Variants in ZNF276 observed in about 807,000 individuals in gnomAD.
ZNF276 encodes zinc finger protein 276, also known as centromere protein Z.
In ZNF276, 59 loss-of-function variants were observed where a neutral mutation model predicts 63.9. That is an observed-to-expected ratio of 0.92 (90% CI 0.75 to 1.15). The LOEUF (loss-of-function observed/expected upper bound fraction) is 1.15, where lower values mean the gene tolerates loss of function less well. Among genes scored for constraint, ZNF276 ranks in the 50% most tolerant of loss-of-function variants. The pLI, the probability that ZNF276 is intolerant of heterozygous loss-of-function variation, is 0.00. For missense variants in ZNF276, 1,084 were observed against 843.8 expected (o/e 1.28, Z -3.53); for synonymous variants, 496 against 348.4 (o/e 1.42, Z -4.72).
intron 3 of ZNF276, 36 bp from the exon 4 acceptor site, chr16:89,723,224 A>C (rs1357917734): frequency 6.2e-7 from 1 of 1,613,210 alleles, no homozygotes; most frequent in Admixed American, 1.7e-5. Flanking sequence ...GGTGCCGACC[A>C]GCCGTGGATC....
Position 89,740,752 on chromosome 16 carries a change from C to T in ZNF276, c.*2506C>T. 1 of 1,534,882 alleles carries T rather than the reference C, an allele frequency of 6.5e-7. No homozygotes were observed. The highest frequency in any genetic ancestry group is 1.4e-5 in the African/African-American group (1 of 73,218). The stretch of plus-strand genomic sequence containing the variant: ...CTTGGAAGCTGGCTGCCTGGTGCCC[C>T]TGCCTGGCCCACAGTGGGAGAGGAC... On this transcript the variant is annotated 3_prime_UTR_variant, in exon 11 of 11. Transcript: ENST00000443381.
At chr16:89,732,234 A>AC (rs1427949400) in intron 6 of ZNF276, 1 of 152,254 alleles carries the variant, frequency 6.6e-6, no homozygotes, top group Non-Finnish European at 1.5e-5. Flanking sequence ...GACTTGCCAG[A>AC]CCAACTAAAA....
chr16:89,738,121 T>G lies in ZNF276; in HGVS notation c.1720T>G (p.Ser574Ala). The change falls in exon 11 of 11, where the codon TCC (serine) becomes GCC (alanine). Residue 574 changes from serine (S) to alanine (A), a missense_variant. Physicochemically the swap from Ser to Ala is moderately conservative, Grantham distance 99. Coordinates refer to ENST00000443381, the MANE Select transcript of ZNF276 (RefSeq NM_001113525.2). ...GGCCCACAACCTCAATGTACACATGTCCATGGTGCACCCGCTGACACAGAC... is the reference window on the plus strand; with the variant it reads ...GGCCCACAACCTCAATGTACACATGGCCATGGTGCACCCGCTGACACAGAC... ...EKAHNLNVHM[S>A]MVHPLTQTQD... The G allele has an allele frequency of 6.2e-7, 1 of 1,613,800 alleles. No individual in the cohort carries two copies. The highest frequency in any genetic ancestry group is 8.5e-7 in the Non-Finnish European group (1 of 1,180,020).
At chr16:89,737,520 C>CA (rs200766262) in intron 9 of ZNF276, 52,391 of 338,432 alleles carry the variant, frequency 0.15, 630 homozygotes, top group East Asian at 0.25. Flanking sequence ...AACTCCATCT[C>CA]AAAAAAAAAA....
At chr16:89,737,131 C>G (rs930663147) in intron 9 of ZNF276, among the ~76,000 whole-genome samples, 1 of 152,170 alleles carries the variant, frequency 6.6e-6, no homozygotes, top group Admixed American at 6.6e-5. Flanking sequence ...CCCCCAGACC[C>G]TGGGTATGGA....
chr16:89,739,229 A>G lies in ZNF276; in HGVS notation c.*983A>G, dbSNP rs764090579. ...GGACCAGCTTCAAGTACATGTCCAC[A>G]GCAACATGCAGGAAGGCCTCTTCCC... On this transcript the variant is annotated 3_prime_UTR_variant, in exon 11 of 11. Transcript: ENST00000443381. 4.3e-6 allele frequency: 7 copies of G among 1,614,176 alleles called. No individual in the cohort carries two copies. The highest frequency in any genetic ancestry group is 5.9e-6 in the Non-Finnish European group (7 of 1,180,024).
Position 89,739,131 on chromosome 16 carries a change from G to C in ZNF276, c.*885G>C. On this transcript the variant is annotated 3_prime_UTR_variant, in exon 11 of 11. Transcript: ENST00000443381. ...GGAGGTGGGACTGGCCCTTGCACCT[G>C]CCTGACCCTTGAGCTCCAGGCTCCT... is the stretch of plus-strand genomic sequence containing the variant. The C allele has an allele frequency of 3.1e-6, 5 of 1,614,140 alleles. No homozygotes were observed. Among genetic ancestry groups the C allele is most frequent in the Non-Finnish European group, 2.5e-6 (3 of 1,180,034 alleles).
rs2061740788 is a variant in ZNF276, at chr16:89,733,424, A to G, written c.1280+12A>G. 1.2e-6 allele frequency: 2 copies of G among 1,614,094 alleles called. No individual in the cohort carries two copies. Among genetic ancestry groups the G allele is most frequent in the Non-Finnish European group, 8.5e-7 (1 of 1,179,954 alleles). On this transcript the variant is annotated intron_variant, in intron 7 of 10. Transcript: ENST00000443381. ...CTTCGTTGTGAGAGGTGATGCCTGCAACGCGAGGCTCGCCCTGCCTGTCGG... is the reference window on the plus strand; with the variant it reads ...CTTCGTTGTGAGAGGTGATGCCTGCGACGCGAGGCTCGCCCTGCCTGTCGG...
rs551054839 is a variant in ZNF276, at chr16:89,724,048, T to G, written c.1006+339T>G. 3.2e-4 allele frequency among the ~76,000 whole-genome samples: 48 copies of G among 152,278 alleles called. 1 individual carries two copies. The highest frequency in any genetic ancestry group is 2.5e-3 in the Admixed American group (38 of 15,282). On this transcript the variant is annotated intron_variant, in intron 4 of 10. Coordinates refer to ENST00000443381, the MANE Select transcript of ZNF276 (RefSeq NM_001113525.2). Reference sequence around the variant, plus strand: ...AAGAATAGGGCCTTGTCTGTGGATGTGGGAGAAAAGAATGGCCGTTGCCTC... The same window carrying G: ...AAGAATAGGGCCTTGTCTGTGGATGGGGGAGAAAAGAATGGCCGTTGCCTC...
intron 9 of ZNF276, among the ~76,000 whole-genome samples, chr16:89,736,625 C>T (rs924160020): frequency 4.0e-5 from 6 of 151,728 alleles, no homozygotes; most frequent in Middle Eastern, 3.4e-3. Flanking sequence ...GCCACTGCAC[C>T]GGCCCCCCAA....
chr16:89,721,029 C>T (rs1045299774), upstream of ZNF276: 1 of 614,786 alleles, frequency 1.6e-6, no homozygotes, highest in Admixed American at 4.7e-5. Context: ...GCGGGCCCCA[C>T]GGGTGTTAGT....
At chr16:89,737,434 T>G (rs1173759613) in intron 9 of ZNF276, 1 of 253,138 alleles carries the variant, frequency 4.0e-6, no homozygotes, top group Non-Finnish European at 7.8e-6. Context: ...GGCACAAGAA[T>G]CGCTTGAGCC....
Position 89,727,386 on chromosome 16 carries a change from A to G in ZNF276, c.1085+29A>G, listed in dbSNP as rs1226335239. On this transcript the variant is annotated intron_variant, in intron 5 of 10. Transcript: ENST00000443381. ...AGAGAAGAGTGGGTTTAAACAGCCT[A>G]AAATTTCTCCTTCAAAAACCATCAG... is the stretch of plus-strand genomic sequence containing the variant. 3.7e-6 allele frequency: 6 copies of G among 1,605,132 alleles called. No homozygotes were observed. The East Asian group carries it at 8.9e-5, about 24-fold the overall frequency.
chr16:89,734,614 G>A (rs2061787553), intron 9 of ZNF276, among the ~76,000 whole-genome samples: 1 of 151,388 alleles, frequency 6.6e-6, no homozygotes, highest in South Asian at 2.1e-4. Context: ...CACTGCACCT[G>A]GCCCAAACAA....
At chr16:89,733,229 A>T in intron 6 of ZNF276, 73 bp from the exon 7 acceptor site, 1 of 1,350,652 alleles carries the variant, frequency 7.4e-7, no homozygotes, top group South Asian at 1.2e-5. Flanking sequence ...ACCATTTCTC[A>T]GGTTGGAGAG....
At chr16:89,720,910 G>C (rs1597950545), upstream of ZNF276, 1 of 1,273,822 alleles carries the variant, frequency 7.9e-7, no homozygotes, top group East Asian at 3.3e-5. Context: ...CTGGACGGGC[G>C]ACCGGAGGCC....
At position 89,721,712 on chromosome 16, in the gene ZNF276, C is replaced by T. The variant is rs758446338; in HGVS notation, c.72C>T (p.Gly24=). The change falls in exon 1 of 11, where the codon GGC becomes GGT. Residue 24 remains glycine (G), a synonymous_variant. Coordinates refer to ENST00000443381, the MANE Select transcript of ZNF276 (RefSeq NM_001113525.2). ...GACAGTGCGGGGCCTCGGACGGCGG[C>T]GGCGGCGTCAGCCGGACTCGGGGCC... ...SSRQCGASDG[G]GGVSRTRGRP... 2.0e-5 allele frequency: 27 copies of T among 1,366,492 alleles called. No homozygotes were observed. Among genetic ancestry groups the T allele is most frequent in the South Asian group, 4.8e-5 (3 of 62,148 alleles). 84.6% of individuals were successfully genotyped at this position (1,366,492 alleles called of 1,614,324 possible). A position where few individuals can be genotyped will look rare whatever the true frequency, so the allele number is the denominator to read the frequency against.
In ZNF276 at chr16:89,738,008, G is replaced by A. The variant is rs1486554928; in HGVS notation, c.1607G>A (p.Arg536Gln). ...GTCTGTGGGTTCCAGTGCAGGCAGC[G>A]GGCATCCCTCAAGTACCACATGACC... ...CEVCGFQCRQ[R>Q]ASLKYHMTKH... is the part of the protein sequence containing the mutation. Residue 536 changes from arginine to glutamine, a missense_variant, in exon 11 of 11, where the codon CGG (arginine) becomes CAG (glutamine). Arg to Gln is a conservative substitution (Grantham distance 43, BLOSUM62 1). Coordinates refer to ENST00000443381, the MANE Select transcript of ZNF276 (RefSeq NM_001113525.2). 9.3e-6 allele frequency: 15 copies of A among 1,613,996 alleles called. No homozygotes were observed. Among genetic ancestry groups the A allele is most frequent in the Middle Eastern group, 1.6e-4 (1 of 6,084 alleles).
At chr16:89,733,437 C>T (rs1329251498) in intron 7 of ZNF276, 25 bp downstream of exon 7, 3 of 1,614,106 alleles carry the variant, frequency 1.9e-6, no homozygotes, top group Admixed American at 1.7e-5. Context: ...GCGAGGCTCG[C>T]CCTGCCTGTC....
Sources: gnomAD v4.1 joint callset for allele counts (sites outside exome capture counted in the v4.1 genomes callset) on GRCh38, gnomAD v4.1.1 for gene constraint, MANE v1.5 for transcripts, NCBI Gene and HGNC (gene_info 2026-07-23, HGNC 2026-07-21) for gene names.